Variants in PDE4D observed in about 807,000 individuals in gnomAD.
The protein encoded by PDE4D is phosphodiesterase 4D, also known as 3',5'-cyclic-AMP phosphodiesterase 4D.
A neutral mutation model predicts 87.4 loss-of-function variants in PDE4D; 24 were observed. The ratio of observed to expected loss-of-function variants is 0.27; its 90% CI spans 0.20 to 0.39. The LOEUF (loss-of-function observed/expected upper bound fraction) is 0.39. Ranked by LOEUF, PDE4D falls within the 10% of genes least tolerant of loss-of-function variation. The pLI is 1.00. For missense variants in PDE4D, 714 were observed against 1,041.0 expected (o/e 0.69, Z 4.32); for synonymous variants, 384 against 383.2 (o/e 1.00, Z -0.02).
At chr5:59,658,085 A>C (rs1211958129) in intron 1 of PDE4D, among the ~76,000 whole-genome samples, 1 of 152,100 alleles carries the variant, frequency 6.6e-6, no homozygotes, top group African/African-American at 2.4e-5. Context: ...TAATAAACGC[A>C]TATTAAGTAG....
At chr5:59,704,305 G>C (rs967066876) in intron 1 of PDE4D, among the ~76,000 whole-genome samples, 1 of 152,156 alleles carries the variant, frequency 6.6e-6, no homozygotes, top group African/African-American at 2.4e-5. Flanking sequence ...GCCATTCCCT[G>C]ATATTAGTAA....
At chr5:59,417,311 T>C (rs1025421930) in intron 1 of PDE4D, among the ~76,000 whole-genome samples, 16 of 152,100 alleles carry the variant, frequency 1.1e-4, no homozygotes, top group Non-Finnish European at 1.5e-4. Context: ...GCCAAGAGCA[T>C]TGGGGAAGAG....
intron 1 of PDE4D, among the ~76,000 whole-genome samples, chr5:59,549,666 C>A (rs1817798925): frequency 6.6e-6 from 1 of 152,094 alleles, no homozygotes; most frequent in Non-Finnish European, 1.5e-5. Context: ...ATATACATTT[C>A]AGTGAAACTC....
intron 5 of PDE4D, among the ~76,000 whole-genome samples, chr5:59,088,049 A>G (rs557002813): frequency 6.6e-6 from 1 of 152,288 alleles, no homozygotes; most frequent in African/African-American, 2.4e-5. Context: ...GCCAAGTACA[A>G]TTCCTAGGCA....
chr5:60,405,444 C>A (rs552576486), intron 1 of PDE4D, among the ~76,000 whole-genome samples: 2 of 152,176 alleles, frequency 1.3e-5, no homozygotes, highest in East Asian at 3.9e-4. Flanking sequence ...CTGTAACTGG[C>A]GCAATTTTTG....
chr5:59,211,291 G>A (rs1162510305), intron 2 of PDE4D, among the ~76,000 whole-genome samples: 2 of 152,114 alleles, frequency 1.3e-5, no homozygotes, highest in Non-Finnish European at 2.9e-5. Context: ...GACGGTCTCT[G>A]AGCAGAAGTG....
chr5:59,066,280 G>A (rs1310551781), intron 5 of PDE4D, among the ~76,000 whole-genome samples: 1 of 152,098 alleles, frequency 6.6e-6, no homozygotes, highest in Non-Finnish European at 1.5e-5. Context: ...ACAGAGAGAG[G>A]CACTCTTAGT....
intron 1 of PDE4D, among the ~76,000 whole-genome samples, chr5:60,238,644 AT>A (rs879871059): frequency 6.6e-6 from 1 of 151,598 alleles, no homozygotes; most frequent in East Asian, 1.9e-4. Flanking sequence ...TTTATCAGCC[AT>A]TTTTTTCTGT....
intron 1 of PDE4D, among the ~76,000 whole-genome samples, chr5:59,709,368 T>C (rs544855198): frequency 1.3e-5 from 2 of 152,158 alleles, no homozygotes; most frequent in Non-Finnish European, 2.9e-5. Context: ...CTGACACTGA[T>C]TCCTGGGTGG....
intron 2 of PDE4D, among the ~76,000 whole-genome samples, chr5:60,057,862 A>G (rs1167489726): frequency 6.6e-6 from 1 of 152,050 alleles, no homozygotes; most frequent in Non-Finnish European, 1.5e-5. Flanking sequence ...AACTGACTAC[A>G]GTAATGTTAA....
At chr5:59,667,560 T>G (rs906702194) in intron 1 of PDE4D, among the ~76,000 whole-genome samples, 13 of 152,172 alleles carry the variant, frequency 8.5e-5, no homozygotes, top group Admixed American at 7.2e-4. Context: ...ATTTAGCATC[T>G]TCTCATGATT....
At chr5:59,887,933 T>C (rs971777240) in intron 1 of PDE4D, among the ~76,000 whole-genome samples, 1 of 152,184 alleles carries the variant, frequency 6.6e-6, no homozygotes, top group Non-Finnish European at 1.5e-5. Flanking sequence ...ATGGCCACAA[T>C]GTGTAAAATG....
At chr5:60,055,494 C>T (rs1770674770) in intron 2 of PDE4D, among the ~76,000 whole-genome samples, 1 of 151,874 alleles carries the variant, frequency 6.6e-6, no homozygotes, top group Non-Finnish European at 1.5e-5. Context: ...TAAACTATAC[C>T]AATAGCTTAT....
intron 3 of PDE4D, among the ~76,000 whole-genome samples, chr5:59,970,328 A>C (rs1019300422): frequency 2.0e-5 from 3 of 152,210 alleles, no homozygotes; most frequent in Admixed American, 6.5e-5. Flanking sequence ...CACCAAAAGC[A>C]ATGGCAACAA....
chr5:60,055,500 C>T (rs1490656755), intron 2 of PDE4D, among the ~76,000 whole-genome samples: 1 of 152,018 alleles, frequency 6.6e-6, no homozygotes, highest in Non-Finnish European at 1.5e-5. Context: ...ATACCAATAG[C>T]TTATTGTAAT....
intron 6 of PDE4D, among the ~76,000 whole-genome samples, chr5:58,998,661 G>GACAA (rs758360358): frequency 3.3e-5 from 5 of 151,964 alleles, no homozygotes; most frequent in Admixed American, 2.0e-4. Context: ...CAAAGCAAAC[G>GACAA]ACAAACACTC....
chr5:60,454,580 G>A (rs557137004), intron 1 of PDE4D, among the ~76,000 whole-genome samples: 14 of 152,202 alleles, frequency 9.2e-5, no homozygotes, highest in South Asian at 2.1e-4. Flanking sequence ...GTTTTCACTC[G>A]TAAGTGGGAG....
intron 1 of PDE4D, among the ~76,000 whole-genome samples, chr5:59,383,499 T>C (rs1198774268): frequency 6.6e-6 from 1 of 152,162 alleles, no homozygotes; most frequent in East Asian, 1.9e-4. Context: ...GCACTATTTG[T>C]TCCCTAGCAC....
chr5:60,321,546 G>C (rs529225988), intron 1 of PDE4D, among the ~76,000 whole-genome samples: 223 of 152,210 alleles, frequency 1.5e-3, no homozygotes, highest in African/African-American at 5.0e-3. Flanking sequence ...ATTGACAAAT[G>C]GTATCTAATT....
Sources: allele counts gnomAD v4.1 joint callset (sites outside exome capture counted in the v4.1 genomes callset), GRCh38; gene constraint gnomAD v4.1.1; transcripts MANE v1.5; gene names NCBI Gene and HGNC (gene_info 2026-07-23, HGNC 2026-07-21).